NOX3: variants seen among roughly 807,000 people sequenced by gnomAD.
NOX3 encodes the protein NADPH oxidase 3.
NOX3 carries 74 observed loss-of-function variants against 76.7 expected under a neutral mutation model. The ratio of observed to expected loss-of-function variants is 0.96; its 90% CI spans 0.80 to 1.17. NOX3 has a LOEUF of 1.17. Among genes scored for constraint, NOX3 ranks in the 50% most tolerant of loss-of-function variants. NOX3 has a pLI of 0.00. For synonymous variants in NOX3, 263 were observed against 261.1 expected (o/e 1.01, Z -0.07); for missense variants, 695 against 703.3 (o/e 0.99, Z 0.13).
intron 12 of NOX3, among the ~76,000 whole-genome samples, chr6:155,401,296 G>A (rs541595880): frequency 1.3e-5 from 2 of 152,250 alleles, no homozygotes; most frequent in South Asian, 4.1e-4. Context: ...ATGGGAATAT[G>A]CTGACAATTT....
chr6:155,433,351 C>A (rs530903487), intron 7 of NOX3, among the ~76,000 whole-genome samples: 1 of 152,184 alleles, frequency 6.6e-6, no homozygotes, highest in East Asian at 1.9e-4. Flanking sequence ...TGCAGTGATA[C>A]CCGGGACAGA....
chr6:155,454,088 C>T (rs1777179779), intron 3 of NOX3, among the ~76,000 whole-genome samples: 1 of 152,076 alleles, frequency 6.6e-6, no homozygotes, highest in Admixed American at 6.5e-5. Flanking sequence ...AATTAAAAAA[C>T]ACTTTATTGC....
chr6:155,423,782 C>G (rs1045332395), intron 9 of NOX3, among the ~76,000 whole-genome samples: 2 of 148,832 alleles, frequency 1.3e-5, no homozygotes, highest in Non-Finnish European at 3.0e-5. Flanking sequence ...TGCTCTGTCA[C>G]CAGGCTGGAG....
chr6:155,403,591 C>A (rs1779262782), intron 12 of NOX3, among the ~76,000 whole-genome samples: 1 of 152,176 alleles, frequency 6.6e-6, no homozygotes, highest in African/African-American at 2.4e-5. Context: ...TACCGTGCTG[C>A]AAAATACAAT....
rs909824917 is a variant in NOX3, at chr6:155,395,466, T to C, written c.*136A>G. Reference sequence around the variant, plus strand: ...AAGGAAGTATGGTATAGTGTACTGTTCACAATAGTTAATTATTATTCACCA... The same window carrying C: ...AAGGAAGTATGGTATAGTGTACTGTCCACAATAGTTAATTATTATTCACCA... On this transcript the variant is annotated 3_prime_UTR_variant, in exon 14 of 14. Coordinates refer to ENST00000159060, the MANE Select transcript of NOX3 (RefSeq NM_015718.3). 3.3e-5 allele frequency: 5 copies of C among 152,210 alleles called. No individual in the cohort carries two copies. The highest frequency in any genetic ancestry group is 7.2e-5 in the African/African-American group (3 of 41,458). The allele number at this position is 152,210 out of a possible 1,614,324, so 9.4% of individuals were successfully genotyped here.
chr6:155,428,871 TGCTGCCCGGATGTGCAC>T lies in NOX3; in HGVS notation c.1051_1067del (p.Val351ArgfsTer71), dbSNP rs765662357. 2.5e-6 allele frequency: 4 copies of T among 1,612,450 alleles called. No homozygotes were observed. Among genetic ancestry groups the T allele is most frequent in the Non-Finnish European group, 3.4e-6 (4 of 1,178,986 alleles). ...CCAGTAGCGCTGCTGTCCAGTCTCC[TGCTGCCCGGATGTGCAC>T]GCTGAAAAAGTCCTCCTGGGGGGCA... On this transcript the variant is annotated frameshift_variant, in exon 9 of 14. Transcript: ENST00000159060. LOFTEE classifies it high-confidence loss of function.
At chr6:155,416,015 A>T (rs1349494045) in intron 10 of NOX3, among the ~76,000 whole-genome samples, 1 of 152,216 alleles carries the variant, frequency 6.6e-6, no homozygotes, top group Non-Finnish European at 1.5e-5. Flanking sequence ...TCAGAAGCAG[A>T]ATCTCAGCAT....
At position 155,411,232 on chromosome 6, in the gene NOX3, G is replaced by A. The variant is rs140219121; in HGVS notation, c.1437C>T (p.Thr479=). Residue 479 remains threonine (T), a synonymous_variant, in exon 11 of 14, where the codon ACC becomes ACT. Transcript: ENST00000159060. ...TCAGTACCTGATTTTCATCCCAGCC[G>A]GTAAGAAATATATGATAACTCAGAA... ...THFLSYHIFL[T]GWDENQALHI... is the part of the protein sequence containing the mutation. 19 of 1,613,252 alleles carry A rather than the reference G, an allele frequency of 1.2e-5. No individual in the cohort carries two copies. Among genetic ancestry groups the A allele is most frequent in the African/African-American group, 6.7e-5 (5 of 74,858 alleles).
At chr6:155,443,228 G>C in intron 5 of NOX3, 45 bp downstream of exon 5, 1 of 1,584,828 alleles carries the variant, frequency 6.3e-7, no homozygotes, top group Non-Finnish European at 8.6e-7. Flanking sequence ...ACTGGAAAAG[G>C]ACGGATTTTT....
chr6:155,395,805 A>G (rs1779131241), intron 13 of NOX3, among the ~76,000 whole-genome samples: 1 of 152,186 alleles, frequency 6.6e-6, no homozygotes, highest in Admixed American at 6.5e-5. Context: ...GGAATTAAAA[A>G]AAATCTCAGT....
chr6:155,438,591 TGAG>T (rs1055750949), intron 6 of NOX3, among the ~76,000 whole-genome samples: 1 of 152,192 alleles, frequency 6.6e-6, no homozygotes, highest in Non-Finnish European at 1.5e-5. Context: ...AGTAGGGGGC[TGAG>T]AAGACAGGAG....
chr6:155,446,582 G>A (rs1290533464), intron 4 of NOX3, among the ~76,000 whole-genome samples: 1 of 152,138 alleles, frequency 6.6e-6, no homozygotes, highest in African/African-American at 2.4e-5. Flanking sequence ...GTGACTCGGT[G>A]CCCCATCTTT....
At chr6:155,411,405 A>G (rs745971630) in intron 10 of NOX3, 45 bp from the exon 11 acceptor site, 2 of 1,552,268 alleles carry the variant, frequency 1.3e-6, no homozygotes, top group Non-Finnish European at 1.7e-6. Flanking sequence ...CTCTTTTCAT[A>G]TGTGCTGATA....
intron 10 of NOX3, among the ~76,000 whole-genome samples, chr6:155,412,924 G>T (rs1179624607): frequency 6.6e-6 from 1 of 152,204 alleles, no homozygotes; most frequent in East Asian, 1.9e-4. Flanking sequence ...TAGAATATAG[G>T]TTATGTCAGA....
chr6:155,413,291 C>T (rs1004467395), intron 10 of NOX3, among the ~76,000 whole-genome samples: 2 of 151,914 alleles, frequency 1.3e-5, no homozygotes, highest in African/African-American at 2.4e-5. Flanking sequence ...CAGGAAGAGC[C>T]TGGAGGCCTG....
chr6:155,430,051 C>T (rs1440432999), intron 8 of NOX3, among the ~76,000 whole-genome samples: 1 of 152,170 alleles, frequency 6.6e-6, no homozygotes, highest in African/African-American at 2.4e-5. Flanking sequence ...AATTTCTATA[C>T]ATCTGCTTTC....
intron 4 of NOX3, among the ~76,000 whole-genome samples, chr6:155,447,043 T>C (rs1438024504): frequency 6.6e-6 from 1 of 151,608 alleles, no homozygotes; most frequent in Non-Finnish European, 1.5e-5. Context: ...TTTTATATTT[T>C]ATAACTTTTT....
At chr6:155,409,295 A>G (rs1562459181) in intron 11 of NOX3, among the ~76,000 whole-genome samples, 2 of 152,114 alleles carry the variant, frequency 1.3e-5, no homozygotes, top group Admixed American at 6.6e-5. Context: ...GTGACTGTGC[A>G]CAGTGTGATG....
intron 5 of NOX3, among the ~76,000 whole-genome samples, chr6:155,441,809 G>A (rs1331821955): frequency 6.6e-6 from 1 of 152,114 alleles, no homozygotes; most frequent in East Asian, 1.9e-4. Context: ...TGTAGCAATG[G>A]ATTTTCCAGC....
Sources: gnomAD v4.1 joint callset for allele counts (sites outside exome capture counted in the v4.1 genomes callset) on GRCh38, gnomAD v4.1.1 for gene constraint, MANE v1.5 for transcripts, NCBI Gene and HGNC (gene_info 2026-07-23, HGNC 2026-07-21) for gene names.